Variants in ACLY observed in about 807,000 individuals in gnomAD.
ACLY encodes ATP citrate lyase.
A neutral mutation model predicts 133.0 loss-of-function variants in ACLY; 41 were observed. The observed-to-expected ratio is 0.31, with a 90% CI of 0.24 to 0.40. The LOEUF (loss-of-function observed/expected upper bound fraction) is 0.40. Ranked by LOEUF, ACLY falls within the 10% of genes least tolerant of loss-of-function variation. The pLI is 1.00. For synonymous variants in ACLY, 495 were observed against 549.3 expected (o/e 0.90, Z 1.38); for missense variants, 1,046 against 1,453.8 (o/e 0.72, Z 4.56).
chr17:41,916,841 A>G (rs782439405), intron 1 of ACLY, among the ~76,000 whole-genome samples: 12 of 152,098 alleles, frequency 7.9e-5, no homozygotes, highest in Non-Finnish European at 1.6e-4. Flanking sequence ...CCACAGACTG[A>G]CCACCAGTTA....
intron 14 of ACLY, among the ~76,000 whole-genome samples, chr17:41,894,317 C>T (rs782644533): frequency 1.5e-5 from 2 of 135,992 alleles, no homozygotes; most frequent in African/African-American, 2.8e-5. Flanking sequence ...GCAGAGGTTG[C>T]GGCGAGCCAA....
chr17:41,897,488 C>A (rs981786902), intron 13 of ACLY, among the ~76,000 whole-genome samples: 6 of 152,076 alleles, frequency 3.9e-5, no homozygotes, highest in East Asian at 1.9e-4. Flanking sequence ...CCAGTCCACA[C>A]CCCCATAAGA....
chr17:41,902,605 C>T (rs537074372), intron 10 of ACLY, among the ~76,000 whole-genome samples: 57 of 152,214 alleles, frequency 3.7e-4, no homozygotes, highest in Non-Finnish European at 6.6e-4. Flanking sequence ...AAGACAGAGG[C>T]TAGATTTTTG....
intron 1 of ACLY, among the ~76,000 whole-genome samples, chr17:41,928,929 T>C (rs1368307964): frequency 6.8e-6 from 1 of 147,922 alleles, no homozygotes; most frequent in Non-Finnish European, 1.5e-5. Flanking sequence ...TTGCAGGAGG[T>C]TTTTTTCTGA....
intron 14 of ACLY, among the ~76,000 whole-genome samples, chr17:41,896,287 C>G (rs782423371): frequency 1.3e-5 from 2 of 152,166 alleles, no homozygotes; most frequent in Non-Finnish European, 2.9e-5. Context: ...CTCCCTCCTT[C>G]CCAGGCGACA....
intron 1 of ACLY, among the ~76,000 whole-genome samples, chr17:41,925,671 G>C (rs2050235090): frequency 6.6e-6 from 1 of 152,008 alleles, no homozygotes; most frequent in African/African-American, 2.4e-5. Context: ...TGGGGGAGGG[G>C]AGGCCAAGGA....
intron 23 of ACLY, 56 bp from the exon 24 acceptor site, chr17:41,872,238 TC>T: frequency 6.5e-7 from 1 of 1,531,676 alleles, no homozygotes; most frequent in Non-Finnish European, 8.9e-7. Context: ...GCTCGTACTT[TC>T]CCCCATCTCC....
intron 1 of ACLY, among the ~76,000 whole-genome samples, chr17:41,928,717 G>A (rs1555636230): frequency 6.6e-6 from 1 of 152,004 alleles, no homozygotes; most frequent in Non-Finnish European, 1.5e-5. Flanking sequence ...GCTGGGCATG[G>A]TGGTGTGCAC....
At position 41,867,684 on chromosome 17, in the gene ACLY, C is replaced by T; in HGVS notation, c.*126G>A. 1 of 618,166 alleles carries T rather than the reference C, an allele frequency of 1.6e-6. No individual in the cohort carries two copies. The highest frequency in any genetic ancestry group is 2.7e-6 in the Non-Finnish European group (1 of 366,560). The allele number at this position is 618,166 out of a possible 1,614,324, so 38.3% of individuals were successfully genotyped here. A position where few individuals can be genotyped will look rare whatever the true frequency, so the allele number is the denominator to read the frequency against. ...GGATGTTGGTCTTCGGTGCCTGTAC[C>T]CCAGTGGCTGTTTACATTCCAGGCC... On this transcript the variant is annotated 3_prime_UTR_variant, in exon 29 of 29. Coordinates refer to ENST00000352035, the MANE Select transcript of ACLY (RefSeq NM_001096.3).
At chr17:41,891,103 C>T (rs1165010839) in intron 16 of ACLY, among the ~76,000 whole-genome samples, 2 of 151,932 alleles carry the variant, frequency 1.3e-5, no homozygotes, top group Non-Finnish European at 2.9e-5. Flanking sequence ...GGCATGATAA[C>T]AGCACACTGC....
intron 23 of ACLY, among the ~76,000 whole-genome samples, chr17:41,873,388 C>T (rs1315881216): frequency 6.6e-6 from 1 of 152,058 alleles, no homozygotes; most frequent in Non-Finnish European, 1.5e-5. Flanking sequence ...ACCATGTTGG[C>T]CAGGCTGGTC....
intron 23 of ACLY, 82 bp from the exon 24 acceptor site, chr17:41,872,264 CA>C: frequency 7.1e-7 from 1 of 1,399,122 alleles, no homozygotes. Flanking sequence ...ACAAGTCATT[CA>C]AATCCAAGAA....
chr17:41,898,623 G>C lies in ACLY; in HGVS notation c.1338+8C>G, dbSNP rs781860118. The C allele has an allele frequency of 1.1e-5, 18 of 1,612,882 alleles. No individual in the cohort carries two copies. In the Admixed American group the frequency reaches 1.7e-4, roughly 15 times the overall value. On this transcript the variant is annotated splice_region_variant and intron_variant, in intron 12 of 28. Transcript: ENST00000352035. ...CTTCCTGTAAGGTTTGGGGAGGCTGGAACCTACCGATGTGCTCCCGCTGGC... is the reference window on the plus strand; with the variant it reads ...CTTCCTGTAAGGTTTGGGGAGGCTGCAACCTACCGATGTGCTCCCGCTGGC...
chr17:41,925,597 ACT>A (rs2050234068), intron 1 of ACLY, among the ~76,000 whole-genome samples: 2 of 151,654 alleles, frequency 1.3e-5, no homozygotes, highest in East Asian at 1.9e-4. Flanking sequence ...TTATTTAGAC[ACT>A]CTGTCTAAAT....
chr17:41,875,571 GC>G (rs1254910742), intron 22 of ACLY, among the ~76,000 whole-genome samples: 2 of 152,146 alleles, frequency 1.3e-5, no homozygotes, highest in Admixed American at 6.5e-5. Flanking sequence ...CCTGCCGAGT[GC>G]CTGCGATTGC....
chr17:41,874,488 G>C (rs2048678863), intron 22 of ACLY, among the ~76,000 whole-genome samples: 1 of 151,982 alleles, frequency 6.6e-6, no homozygotes, highest in Admixed American at 6.5e-5. Flanking sequence ...GTCCAGGCTG[G>C]TCTTAAACTC....
intron 18 of ACLY, among the ~76,000 whole-genome samples, chr17:41,885,226 T>G (rs1319301323): frequency 6.6e-6 from 1 of 152,192 alleles, no homozygotes; most frequent in Non-Finnish European, 1.5e-5. Flanking sequence ...GAAGACAATC[T>G]AAACAAGCAG....
chr17:41,889,048 G>T (rs1217318454), intron 16 of ACLY, among the ~76,000 whole-genome samples: 1 of 151,112 alleles, frequency 6.6e-6, no homozygotes, highest in African/African-American at 2.4e-5. Context: ...AACCTGGAAG[G>T]CAGAGGTTGC....
At chr17:41,871,332 A>T (rs1246020716) in intron 25 of ACLY, among the ~76,000 whole-genome samples, 1 of 143,692 alleles carries the variant, frequency 7.0e-6, no homozygotes, top group African/African-American at 2.6e-5. Context: ...ATCACCACCC[A>T]CCCAGTAGAT....
Sources: allele counts gnomAD v4.1 joint callset (sites outside exome capture counted in the v4.1 genomes callset), GRCh38; gene constraint gnomAD v4.1.1; transcripts MANE v1.5; gene names NCBI Gene and HGNC (gene_info 2026-07-23, HGNC 2026-07-21).